The following VPS13D variants were observed in gnomAD, a reference collection of about 807,000 sequenced individuals.
VPS13D encodes the protein vacuolar protein sorting 13 homolog D, also known as intermembrane lipid transfer protein VPS13D.
Under a neutral mutation model 461.9 loss-of-function variants are expected in VPS13D, and 187 were observed. The observed-to-expected ratio is 0.40, with a 90% CI of 0.36 to 0.46. VPS13D has a LOEUF of 0.46. Ranked by LOEUF, VPS13D falls within the 20% of genes least tolerant of loss-of-function variation. VPS13D has a pLI of 0.60. For missense variants in VPS13D, 4,711 were observed against 5,364.9 expected (o/e 0.88, Z 3.81); for synonymous variants, 1,951 against 1,986.3 (o/e 0.98, Z 0.47).
At chr1:12,393,629 C>T (rs1308403676) in intron 60 of VPS13D, among the ~76,000 whole-genome samples, 1 of 152,210 alleles carries the variant, frequency 6.6e-6, no homozygotes, top group Non-Finnish European at 1.5e-5. Flanking sequence ...GGAATCACCA[C>T]CCCTGCATCT....
intron 57 of VPS13D, among the ~76,000 whole-genome samples, chr1:12,380,444 G>A (rs750642829): frequency 1.6e-4 from 25 of 151,954 alleles, no homozygotes; most frequent in Non-Finnish European, 3.5e-4. Context: ...TGTAGCAAAT[G>A]TCAGAATGAA....
chr1:12,318,388 C>A, intron 31 of VPS13D, 51 bp downstream of exon 31: 2 of 1,564,630 alleles, frequency 1.3e-6, no homozygotes, highest in Non-Finnish European at 1.7e-6. Flanking sequence ...ATGTTAGGCT[C>A]AATATCTGCC....
chr1:12,328,055 G>C (rs1643236810), intron 36 of VPS13D, among the ~76,000 whole-genome samples: 1 of 152,040 alleles, frequency 6.6e-6, no homozygotes, highest in Non-Finnish European at 1.5e-5. Flanking sequence ...CTATAGCTTG[G>C]GAATAGGAAT....
intron 23 of VPS13D, among the ~76,000 whole-genome samples, chr1:12,291,426 C>T (rs1211294758): frequency 6.6e-6 from 1 of 152,004 alleles, no homozygotes; most frequent in Non-Finnish European, 1.5e-5. Context: ...GCCAGGAGTT[C>T]GAGACCACCC....
intron 29 of VPS13D, 142 bp downstream of exon 29, chr1:12,312,067 A>C (rs2101500008): frequency 1.5e-6 from 1 of 688,306 alleles, no homozygotes; most frequent in African/African-American, 1.8e-5. Flanking sequence ...GTTGATCTAC[A>C]CAGTGCTTTT....
chr1:12,385,258 A>G lies in VPS13D; in HGVS notation c.11371-2A>G. On this transcript the variant is annotated splice_acceptor_variant, in intron 58 of 69. Transcript: ENST00000620676. LOFTEE classifies it high-confidence loss of function. ...TTCTTGTGGTGTTTTATTTGACTTC[A>G]GATAACAGATTTCTGCCACCGGAAA... 1 of 1,612,608 alleles carries G rather than the reference A, an allele frequency of 6.2e-7. No homozygotes were observed. The highest frequency in any genetic ancestry group is 8.5e-7 in the Non-Finnish European group (1 of 1,179,010).
chr1:12,479,692 C>T (rs1420250461), intron 67 of VPS13D, among the ~76,000 whole-genome samples: 1 of 152,188 alleles, frequency 6.6e-6, no homozygotes, highest in African/African-American at 2.4e-5. Flanking sequence ...TCTGGGCCAT[C>T]TCTCGGTCCC....
intron 65 of VPS13D, among the ~76,000 whole-genome samples, chr1:12,450,505 A>T (rs1484807154): frequency 1.3e-5 from 2 of 152,186 alleles, no homozygotes; most frequent in African/African-American, 4.8e-5. Flanking sequence ...AGCTATATGC[A>T]TTCAGTAGAA....
At chr1:12,494,798 A>G (rs1054066599) in intron 67 of VPS13D, among the ~76,000 whole-genome samples, 1 of 152,218 alleles carries the variant, frequency 6.6e-6, no homozygotes, top group African/African-American at 2.4e-5. Flanking sequence ...ATGGGGTTCT[A>G]GCTGCTTCAT....
intron 63 of VPS13D, among the ~76,000 whole-genome samples, chr1:12,406,865 TG>T (rs1230403140): frequency 6.6e-6 from 1 of 152,156 alleles, no homozygotes. Context: ...TTTAGAGCAT[TG>T]GGGTATTACA....
chr1:12,318,716 T>C (rs1209208771), intron 31 of VPS13D, among the ~76,000 whole-genome samples: 1 of 152,230 alleles, frequency 6.6e-6, no homozygotes, highest in Non-Finnish European at 1.5e-5. Context: ...ACCTCAGTTT[T>C]GAAGATAAGT....
intron 34 of VPS13D, 104 bp downstream of exon 34, chr1:12,322,850 G>T: frequency 2.0e-6 from 2 of 975,852 alleles, no homozygotes; most frequent in Admixed American, 5.1e-5. Context: ...CAGTTTAATT[G>T]TATGTCATTA....
At chr1:12,433,542 A>G (rs1271254336) in intron 65 of VPS13D, among the ~76,000 whole-genome samples, 1 of 152,194 alleles carries the variant, frequency 6.6e-6, no homozygotes, top group Non-Finnish European at 1.5e-5. Context: ...TGCCCTCCCG[A>G]TGAACCCGCC....
In VPS13D at chr1:12,234,230, C is replaced by A. The variant is rs111362529; in HGVS notation, c.-37C>A. Reference sequence around the variant, plus strand: ...ATGAAAGAGAGAAATAAAGAATGATCCATGATTTCTAAACACCTTTTCCTG... The same window carrying A: ...ATGAAAGAGAGAAATAAAGAATGATACATGATTTCTAAACACCTTTTCCTG... On this transcript the variant is annotated 5_prime_UTR_variant, in exon 2 of 70. Coordinates refer to ENST00000620676, the MANE Select transcript of VPS13D (RefSeq NM_015378.4). 2 of 1,372,466 alleles carry A rather than the reference C, an allele frequency of 1.5e-6. No homozygotes were observed. The highest frequency in any genetic ancestry group is 1.4e-5 in the African/African-American group (1 of 69,342). 85.0% of individuals were successfully genotyped at this position (1,372,466 alleles called of 1,614,324 possible). A position where few individuals can be genotyped will look rare whatever the true frequency, so the allele number is the denominator to read the frequency against.
chr1:12,368,335 A>G, intron 52 of VPS13D, 133 bp from the exon 53 acceptor site: 1 of 1,053,164 alleles, frequency 9.5e-7, no homozygotes, highest in Non-Finnish European at 1.3e-6. Context: ...GGAGGAACAC[A>G]CAGTGGGCTG....
At chr1:12,353,276 G>T (rs1643843603) in intron 46 of VPS13D, among the ~76,000 whole-genome samples, 1 of 152,040 alleles carries the variant, frequency 6.6e-6, no homozygotes, top group African/African-American at 2.4e-5. Context: ...GCTCACGCGT[G>T]TAATCCCAGC....
chr1:12,400,176 C>G lies in VPS13D; in HGVS notation c.11635-5C>G. 1 of 1,613,440 alleles carries G rather than the reference C, an allele frequency of 6.2e-7. No homozygotes were observed. On this transcript the variant is annotated splice_region_variant and splice_polypyrimidine_tract_variant and intron_variant, in intron 60 of 69. Transcript: ENST00000620676. ...TTTTGCTTTGCTACCTTTCCATGGC[C>G]GTAGGTGGACAATCAGCTCATTGGT... is the stretch of plus-strand genomic sequence containing the variant.
chr1:12,256,354 G>T lies in VPS13D; in HGVS notation c.691G>T (p.Glu231Ter). 1 of 1,613,926 alleles carries T rather than the reference G, an allele frequency of 6.2e-7. No homozygotes were observed. Among genetic ancestry groups the T allele is most frequent in the Non-Finnish European group, 8.5e-7 (1 of 1,180,016 alleles). The change falls in exon 8 of 70, where the codon GAG (glutamate) becomes TAG (stop). Residue 231 changes from glutamate to a stop codon, truncating the protein, a stop_gained. Transcript: ENST00000620676. LOFTEE classifies it high-confidence loss of function. ...ELQEAMARSM[E>*]SRSHHYVLEP... ...ACAGGAGGCCATGGCCAGGAGCATG[G>T]AGAGTCGCAGCCATCACTACGTCCT...
At chr1:12,464,397 G>A (rs1645453111) in intron 67 of VPS13D, among the ~76,000 whole-genome samples, 1 of 152,112 alleles carries the variant, frequency 6.6e-6, no homozygotes, top group African/African-American at 2.4e-5. Context: ...TCCAAGTAAA[G>A]GCTTAGATCT....
Sources: allele counts gnomAD v4.1 joint callset (sites outside exome capture counted in the v4.1 genomes callset), GRCh38; gene constraint gnomAD v4.1.1; transcripts MANE v1.5; gene names NCBI Gene and HGNC (gene_info 2026-07-23, HGNC 2026-07-21).